The following NUP153 variants were observed in gnomAD, a reference collection of about 807,000 sequenced individuals.
The protein encoded by NUP153 is nuclear pore complex protein Nup153.
NUP153 carries 27 observed loss-of-function variants against 134.6 expected under a neutral mutation model. The observed-to-expected ratio is 0.20, with a 90% CI of 0.15 to 0.28. The LOEUF is 0.28. Among genes scored for constraint, NUP153 ranks in the 10% least tolerant of loss-of-function variants. The probability of loss-of-function intolerance (pLI) is 1.00; values close to 1 mark genes in which losing one functional copy is unlikely to be tolerated. For missense variants in NUP153, 1,821 were observed against 1,731.3 expected (o/e 1.05, Z -0.92); for synonymous variants, 640 against 623.5 (o/e 1.03, Z -0.40).
At chr6:17,630,967 T>C (rs1005759519) in intron 17 of NUP153, among the ~76,000 whole-genome samples, 8 of 152,144 alleles carry the variant, frequency 5.3e-5, no homozygotes, top group African/African-American at 1.9e-4. Flanking sequence ...CTTAAAAGTA[T>C]GGTGATTACC....
intron 11 of NUP153, among the ~76,000 whole-genome samples, chr6:17,658,737 C>A (rs2113812097): frequency 6.6e-6 from 1 of 152,294 alleles, no homozygotes; most frequent in African/African-American, 2.4e-5. Flanking sequence ...GTGTCGTCTT[C>A]TCCTATTCTA....
At chr6:17,653,720 C>T (rs1218644067) in intron 11 of NUP153, among the ~76,000 whole-genome samples, 1 of 152,094 alleles carries the variant, frequency 6.6e-6, no homozygotes, top group Non-Finnish European at 1.5e-5. Flanking sequence ...ACAGTGATTG[C>T]CTCTGGGGTA....
intron 1 of NUP153, among the ~76,000 whole-genome samples, chr6:17,701,835 G>A (rs1355818569): frequency 3.0e-5 from 3 of 100,000 alleles, no homozygotes; most frequent in South Asian, 3.9e-4. Flanking sequence ...TCTGTCTCGG[G>A]GGGGGGGGGA....
At position 17,616,541 on chromosome 6, in the gene NUP153, T is replaced by G; in HGVS notation, c.4329A>C (p.Ala1443=). The G allele has an allele frequency of 6.2e-7, 1 of 1,609,594 alleles. No individual in the cohort carries two copies. The highest frequency in any genetic ancestry group is 1.1e-5 in the South Asian group (1 of 90,208). The change falls in exon 21 of 22, where the codon GCA becomes GCC. Residue 1443 remains alanine (A), a synonymous_variant. Coordinates refer to ENST00000262077, the MANE Select transcript of NUP153 (RefSeq NM_005124.4). Reference sequence around the variant, plus strand: ...AATTCTCTTACCCCACTGTAAATGCTGCTGGAGACTGGTTAAATGGAAAGC... The same window carrying G: ...AATTCTCTTACCCCACTGTAAATGCGGCTGGAGACTGGTTAAATGGAAAGC... ...SGGFPFNQSP[A]AFTVGSNGKN...
chr6:17,702,937 C>G (rs1266999163), intron 1 of NUP153, among the ~76,000 whole-genome samples: 1 of 151,868 alleles, frequency 6.6e-6, no homozygotes, highest in Non-Finnish European at 1.5e-5. Context: ...CGGTGGCTCA[C>G]GCCTGTAATA....
At position 17,646,092 on chromosome 6, in the gene NUP153, A is replaced by G. The variant is rs1237165865; in HGVS notation, c.1695T>C (p.Thr565=). 6.3e-7 allele frequency: 1 copy of G among 1,585,456 alleles called. No individual in the cohort carries two copies. Among genetic ancestry groups the G allele is most frequent in the South Asian group, 1.1e-5 (1 of 90,214 alleles). The part of the protein sequence containing the change: ...KTAELSGSSS[T]LEPIISSSAH... Reference sequence around the variant, plus strand: ...CTGAACTACTTATAATTGGTTCTAAAGTACTACTAGAACCAGAAAGTTCTG... The same window carrying G: ...CTGAACTACTTATAATTGGTTCTAAGGTACTACTAGAACCAGAAAGTTCTG... Residue 565 remains threonine, a synonymous_variant, in exon 14 of 22, where the codon ACT becomes ACC. Transcript: ENST00000262077.
At position 17,683,029 on chromosome 6, in the gene NUP153, T is replaced by C. The variant is rs1243319521; in HGVS notation, c.334+5367A>G. On this transcript the variant is annotated intron_variant, in intron 2 of 21. Coordinates refer to ENST00000262077, the MANE Select transcript of NUP153 (RefSeq NM_005124.4). ...TTGCAGTAATTCAGTCACATCTTCA[T>C]ACTCCACTTCTAATTTTAGTTTTCT... is the stretch of plus-strand genomic sequence containing the variant. 2.0e-5 allele frequency among the ~76,000 whole-genome samples: 3 copies of C among 152,124 alleles called. No individual in the cohort carries two copies. The South Asian group carries it at 6.2e-4, about 31-fold the overall frequency.
intron 17 of NUP153, among the ~76,000 whole-genome samples, chr6:17,630,669 T>TAAAGA (rs1765196765): frequency 8.5e-6 from 1 of 117,334 alleles, no homozygotes; most frequent in Non-Finnish European, 1.7e-5. Context: ...TCAAAATAAA[T>TAAAGA]AAAGAAAAGA....
chr6:17,667,283 T>C (rs953037786), intron 8 of NUP153, among the ~76,000 whole-genome samples: 12 of 152,200 alleles, frequency 7.9e-5, no homozygotes, highest in African/African-American at 2.7e-4. Context: ...AATAAAAAGT[T>C]CAATATTAGC....
chr6:17,626,079 G>A lies in NUP153; in HGVS notation c.3630C>T (p.Gly1210=). The change falls in exon 19 of 22, where the codon GGC becomes GGT. Residue 1210 remains glycine (G), a synonymous_variant. Coordinates refer to ENST00000262077, the MANE Select transcript of NUP153 (RefSeq NM_005124.4). ...SSTPATSAGG[G]IFGSSTSSSN... ...AGGAAGAGGTGGAACTACCAAATAT[G>A]CCACCACCAGCAGAAGTGGCTGGTG... 1 of 1,613,954 alleles carries A rather than the reference G, an allele frequency of 6.2e-7. No individual in the cohort carries two copies. The highest frequency in any genetic ancestry group is 8.5e-7 in the Non-Finnish European group (1 of 1,180,006).
intron 12 of NUP153, 122 bp downstream of exon 12, chr6:17,649,041 C>G: frequency 1.1e-6 from 1 of 887,570 alleles, no homozygotes; most frequent in Non-Finnish European, 1.6e-6. Context: ...TTCCATTTCT[C>G]TGTTTACTAT....
In NUP153 at chr6:17,638,419, G is replaced by A. The variant is rs1466941995; in HGVS notation, c.1847-649C>T. Among the ~76,000 whole-genome samples, 1 of 152,106 alleles carries A rather than the reference G, an allele frequency of 6.6e-6. No homozygotes were observed. The highest frequency in any genetic ancestry group is 1.5e-5 in the Non-Finnish European group (1 of 68,006). On this transcript the variant is annotated intron_variant, in intron 15 of 21. Coordinates refer to ENST00000262077, the MANE Select transcript of NUP153 (RefSeq NM_005124.4). The surrounding 1 kb of genome is among the most constrained non-coding windows in gnomAD (Gnocchi z 4.0). ...TGTTTCTCCAGCCTTACCCGCCAAAGAAAAAGAAATTAAAAGGAGAGAAGA... is the reference window on the plus strand; with the variant it reads ...TGTTTCTCCAGCCTTACCCGCCAAAAAAAAAGAAATTAAAAGGAGAGAAGA...
At chr6:17,651,924 T>C (rs1293392805) in intron 11 of NUP153, 7 of 630,702 alleles carry the variant, frequency 1.1e-5, no homozygotes, top group African/African-American at 1.8e-5. Flanking sequence ...TGAGACCTTG[T>C]CTCTACAAAT....
intron 5 of NUP153, among the ~76,000 whole-genome samples, chr6:17,673,052 C>T (rs1768007707): frequency 6.6e-6 from 1 of 152,152 alleles, no homozygotes; most frequent in African/African-American, 2.4e-5. Context: ...CACGCACACA[C>T]ACACACAAAA....
chr6:17,616,311 T>C (rs1433720107), intron 21 of NUP153, 130 bp from the exon 22 acceptor site: 1 of 642,602 alleles, frequency 1.6e-6, no homozygotes, highest in Non-Finnish European at 2.7e-6. Flanking sequence ...CATTGGTATA[T>C]ACATTTTCTG....
chr6:17,700,924 T>C (rs1770014625), intron 1 of NUP153, among the ~76,000 whole-genome samples: 1 of 152,166 alleles, frequency 6.6e-6, no homozygotes, highest in African/African-American at 2.4e-5. Flanking sequence ...GAGGTTTCCT[T>C]CCCCTTTTTA....
chr6:17,637,535 C>A lies in NUP153; in HGVS notation c.2082G>T (p.Gln694His), dbSNP rs1765615415. The change falls in exon 16 of 22, where the codon CAG (glutamine) becomes CAT (histidine). Residue 694 changes from glutamine to histidine, a missense_variant. Transcript: ENST00000262077. ...TTTTATTTGGTGTTTCAATTCCAGT[C>A]TGTTTAGCAGTATCTCTGGGTGACA... ...AKLSPRDTAK[Q>H]TGIETPNKSG... 1 of 1,614,080 alleles carries A rather than the reference C, an allele frequency of 6.2e-7. No homozygotes were observed. Among genetic ancestry groups the A allele is most frequent in the Admixed American group, 1.7e-5 (1 of 60,004 alleles).
intron 14 of NUP153, among the ~76,000 whole-genome samples, chr6:17,644,916 T>A (rs12195917): frequency 0.21 from 32,646 of 151,986 alleles, 4,072 homozygotes; most frequent in Non-Finnish European, 0.28. Context: ...AAACCCTGTC[T>A]CTATTAAAAA....
rs1051772734 is a variant in NUP153, at chr6:17,646,301, G to A, written c.1633-147C>T. The A allele has an allele frequency of 8.5e-5, 38 of 446,220 alleles. 2 individuals carry two copies. The highest frequency in any genetic ancestry group is 2.0e-4 in the East Asian group (5 of 24,834). 27.6% of individuals were successfully genotyped at this position (446,220 alleles called of 1,614,324 possible). On this transcript the variant is annotated intron_variant, in intron 13 of 21. Transcript: ENST00000262077. ...TGGCTCACTGCAACCTCCGCCTCCC[G>A]GGTTCACGCCATTCTCCTGCCTCGG...
Sources: gnomAD v4.1 joint callset for allele counts (sites outside exome capture counted in the v4.1 genomes callset) on GRCh38, gnomAD v4.1.1 for gene constraint, Gnocchi (gnomAD v3.1) non-coding constraint, MANE v1.5 for transcripts, NCBI Gene and HGNC (gene_info 2026-07-23, HGNC 2026-07-21) for gene names.